Variants in ARSJ observed in about 807,000 individuals in gnomAD.
ARSJ encodes arylsulfatase family member J, also known as arylsulfatase J.
ARSJ carries 26 observed loss-of-function variants against 35.9 expected under a neutral mutation model. The observed-to-expected ratio is 0.72, with a 90% CI of 0.53 to 1.00. The LOEUF (loss-of-function observed/expected upper bound fraction) is 1.00, where lower values mean the gene tolerates loss of function less well. Among genes scored for constraint, ARSJ ranks in the 50% least tolerant of loss-of-function variants. The probability of loss-of-function intolerance (pLI) is 0.00; values close to 1 mark genes in which losing one functional copy is unlikely to be tolerated. For synonymous variants in ARSJ, 294 were observed against 267.6 expected, an observed-to-expected ratio of 1.10 and a Z score of -0.96; for missense variants, 667 against 723.6, an observed-to-expected ratio of 0.92 and a Z score of 0.90.
intron 1 of ARSJ, among the ~76,000 whole-genome samples, chr4:113,930,739 G>A (rs537448224): frequency 9.3e-5 from 14 of 150,114 alleles, no homozygotes; most frequent in African/African-American, 3.0e-4. Context: ...TGTTTATTGT[G>A]GCACTATTCA....
Position 113,902,322 on chromosome 4 carries a change from C to G in ARSJ, c.1752G>C (p.Gln584His). 6.2e-7 allele frequency: 1 copy of G among 1,613,214 alleles called. No individual in the cohort carries two copies. The highest frequency in any genetic ancestry group is 8.5e-7 in the Non-Finnish European group (1 of 1,179,980). Reference protein sequence around the residue: ...KKSKKKKKKQQKAVSGSTCHS... With the variant: ...KKSKKKKKKQHKAVSGSTCHS... The stretch of plus-strand genomic sequence containing the variant: ...GGCAAGTTGAACCTGAGACTGCTTT[C>G]TGCTGTTTCTTCTTCTTTTTTTTGC... Residue 584 changes from glutamine to histidine, a missense_variant, in exon 2 of 2, where the codon CAG becomes CAC. Coordinates refer to ENST00000315366, the MANE Select transcript of ARSJ (RefSeq NM_024590.4).
intron 1 of ARSJ, among the ~76,000 whole-genome samples, chr4:113,909,170 G>T (rs2099669679): frequency 6.6e-6 from 1 of 152,076 alleles, no homozygotes; most frequent in African/African-American, 2.4e-5. Context: ...ATGATTTCTA[G>T]ATTTGTTGCT....
At chr4:113,906,473 G>T (rs1283582134) in intron 1 of ARSJ, among the ~76,000 whole-genome samples, 1 of 152,200 alleles carries the variant, frequency 6.6e-6, no homozygotes, top group Non-Finnish European at 1.5e-5. Flanking sequence ...GTCTTCTCTA[G>T]AAAGTAGAAT....
Position 113,903,645 on chromosome 4 carries a change from A to G in ARSJ, c.429T>C (p.Ser143=). 1 of 1,613,434 alleles carries G rather than the reference A, an allele frequency of 6.2e-7. No individual in the cohort carries two copies. Among genetic ancestry groups the G allele is most frequent in the South Asian group, 1.1e-5 (1 of 91,062 alleles). The part of the protein sequence containing the change: ...KYQIHTGLQH[S]IIRPTQPNCL... ...AGTTGGGTTGGGTAGGTCTTATGATAGAATGTTGAAGTCCGGTGTGTATCT... is the reference window on the plus strand; with the variant it reads ...AGTTGGGTTGGGTAGGTCTTATGATGGAATGTTGAAGTCCGGTGTGTATCT... Residue 143 remains serine, a synonymous_variant, in exon 2 of 2, where the codon TCT becomes TCC. Transcript: ENST00000315366.
intron 1 of ARSJ, among the ~76,000 whole-genome samples, chr4:113,958,789 C>T (rs1236214919): frequency 1.3e-5 from 2 of 152,000 alleles, no homozygotes; most frequent in Non-Finnish European, 2.9e-5. Flanking sequence ...TAATCTTCTA[C>T]TTTCCACTAA....
chr4:113,945,926 A>G (rs1224636920), intron 1 of ARSJ, among the ~76,000 whole-genome samples: 1 of 152,108 alleles, frequency 6.6e-6, no homozygotes, highest in Non-Finnish European at 1.5e-5. Flanking sequence ...GAGGGCTTAA[A>G]AATGTCAGTT....
intron 1 of ARSJ, among the ~76,000 whole-genome samples, chr4:113,906,349 G>T (rs542563673): frequency 3.1e-4 from 47 of 152,218 alleles, no homozygotes; most frequent in Non-Finnish European, 5.4e-4. Context: ...ATAAAATACA[G>T]GAAACGTTTG....
intron 1 of ARSJ, among the ~76,000 whole-genome samples, chr4:113,958,936 G>A (rs1237557842): frequency 1.3e-5 from 2 of 151,798 alleles, no homozygotes; most frequent in South Asian, 4.2e-4. Flanking sequence ...AACCCCGCAC[G>A]CAGGCTACAC....
chr4:113,921,445 C>T (rs1216674212), intron 1 of ARSJ, among the ~76,000 whole-genome samples: 1 of 151,996 alleles, frequency 6.6e-6, no homozygotes, highest in Non-Finnish European at 1.5e-5. Context: ...TCTGTTTTAA[C>T]GTTGACTGAG....
At position 113,902,973 on chromosome 4, in the gene ARSJ, C is replaced by T. The variant is rs762410653; in HGVS notation, c.1101G>A (p.Lys367=). 6.2e-7 allele frequency: 1 copy of T among 1,614,158 alleles called. No individual in the cohort carries two copies. Among genetic ancestry groups the T allele is most frequent in the Non-Finnish European group, 8.5e-7 (1 of 1,180,034 alleles). ...GFVHSPLLKN[K]GTVCKELVHI... ...GCACAAGTTCCTTACACACTGTTCC[C>T]TTGTTTTTCAGAAGTGGGCTATGCA... The change falls in exon 2 of 2, where the codon AAG becomes AAA. Residue 367 remains lysine (K), a synonymous_variant. Transcript: ENST00000315366.
intron 1 of ARSJ, among the ~76,000 whole-genome samples, chr4:113,966,217 A>G (rs1726884387): frequency 6.6e-6 from 1 of 152,128 alleles, no homozygotes; most frequent in Non-Finnish European, 1.5e-5. Flanking sequence ...GTTAGTATAT[A>G]TAATTCATGA....
intron 1 of ARSJ, among the ~76,000 whole-genome samples, chr4:113,974,412 A>G (rs2110339381): frequency 6.6e-6 from 1 of 152,258 alleles, no homozygotes; most frequent in East Asian, 1.9e-4. Flanking sequence ...AGTAGGGGAA[A>G]AGAGACTTGC....
At chr4:113,956,524 A>T (rs1726190705) in intron 1 of ARSJ, among the ~76,000 whole-genome samples, 1 of 152,112 alleles carries the variant, frequency 6.6e-6, no homozygotes, top group South Asian at 2.1e-4. Context: ...GACAAAGCCT[A>T]TCTTTTTGAA....
intron 1 of ARSJ, among the ~76,000 whole-genome samples, chr4:113,954,140 C>T (rs529957136): frequency 2.6e-4 from 40 of 151,960 alleles, no homozygotes; most frequent in African/African-American, 8.9e-4. Flanking sequence ...CTCAAGTCAC[C>T]GACATCTCAG....
In ARSJ at chr4:113,978,691, C is replaced by T. The variant is rs761903123; in HGVS notation, c.144G>A (p.Gln48=). 6.2e-7 allele frequency: 1 copy of T among 1,614,248 alleles called. No individual in the cohort carries two copies. The highest frequency in any genetic ancestry group is 1.1e-5 in the South Asian group (1 of 91,092). ...LLTYGYLSWG[Q]ALEEEEEGAL... ...CCCCTTCTTCCTCCTCTTCTAAGGC[C>T]TGGCCCCAGGACAGGTAACCATAAG... Residue 48 remains glutamine, a synonymous_variant, in exon 1 of 2, where the codon CAG becomes CAA. Coordinates refer to ENST00000315366, the MANE Select transcript of ARSJ (RefSeq NM_024590.4).
intron 1 of ARSJ, among the ~76,000 whole-genome samples, chr4:113,915,007 C>T (rs868342916): frequency 1.4e-4 from 22 of 152,146 alleles, no homozygotes; most frequent in African/African-American, 5.3e-4. Context: ...ATTGAGTAAA[C>T]ACTGCATTAA....
At chr4:113,940,502 G>T (rs141326391) in intron 1 of ARSJ, among the ~76,000 whole-genome samples, 1 of 152,016 alleles carries the variant, frequency 6.6e-6, no homozygotes, top group African/African-American at 2.4e-5. Context: ...GTGGGCGGTC[G>T]GGGGAAGGAG....
intron 1 of ARSJ, among the ~76,000 whole-genome samples, chr4:113,929,609 A>T (rs751481210): frequency 1.6e-4 from 25 of 152,100 alleles, no homozygotes; most frequent in Non-Finnish European, 4.4e-5. Context: ...TTAACAGTAG[A>T]CACCTGGTGA....
intron 1 of ARSJ, among the ~76,000 whole-genome samples, chr4:113,920,853 G>A (rs138480185): frequency 1.1e-4 from 17 of 152,150 alleles, no homozygotes; most frequent in Middle Eastern, 3.4e-3. Context: ...TGAGGCCCAG[G>A]AAACCAGAAA....
Sources: gnomAD v4.1 joint callset for allele counts (sites outside exome capture counted in the v4.1 genomes callset) on GRCh38, gnomAD v4.1.1 for gene constraint, MANE v1.5 for transcripts, NCBI Gene and HGNC (gene_info 2026-07-23, HGNC 2026-07-21) for gene names.